CNBD1: variants seen among roughly 807,000 people sequenced by gnomAD.
The protein encoded by CNBD1 is cyclic nucleotide binding domain containing 1, also known as cyclic nucleotide-binding domain-containing protein 1.
In CNBD1, 71 loss-of-function variants were observed where a neutral mutation model predicts 54.4. The observed-to-expected ratio is 1.30, with a 90% CI of 1.08 to 1.59. CNBD1 has a LOEUF of 1.59. Ranked by LOEUF, CNBD1 falls within the 40% of genes most tolerant of loss-of-function variation. CNBD1 has a pLI of 0.00. For missense variants in CNBD1, 659 were observed against 518.0 expected (o/e 1.27, Z -2.64); for synonymous variants, 182 against 170.7 (o/e 1.07, Z -0.51).
chr8:86,936,960 T>C (rs1162628973), intron 3 of CNBD1, among the ~76,000 whole-genome samples: 1 of 152,200 alleles, frequency 6.6e-6, no homozygotes, highest in Non-Finnish European at 1.5e-5. Flanking sequence ...AGTTACAATT[T>C]CCTTATTTTA....
intron 4 of CNBD1, among the ~76,000 whole-genome samples, chr8:87,200,971 C>A (rs1813847167): frequency 6.6e-6 from 1 of 152,078 alleles, no homozygotes; most frequent in Non-Finnish European, 1.5e-5. Context: ...GCCAATGTCC[C>A]TTATGAATAT....
At chr8:87,275,084 A>G (rs1055702364) in intron 6 of CNBD1, among the ~76,000 whole-genome samples, 1 of 135,654 alleles carries the variant, frequency 7.4e-6, no homozygotes. Flanking sequence ...AGATAGCTGT[A>G]GATATGCGGC....
intron 4 of CNBD1, among the ~76,000 whole-genome samples, chr8:87,112,390 A>T (rs568037316): frequency 6.6e-6 from 1 of 152,092 alleles, no homozygotes; most frequent in Non-Finnish European, 1.5e-5. Flanking sequence ...TGCCTTCTCT[A>T]ATGTTCTGTA....
At chr8:87,206,201 T>C (rs1355746299) in intron 5 of CNBD1, 63 bp downstream of exon 5, 3 of 1,287,076 alleles carry the variant, frequency 2.3e-6, no homozygotes, top group African/African-American at 3.1e-5. Context: ...TCGAGTTCTT[T>C]ATCATTATAA....
At chr8:87,039,845 G>A (rs1173127942) in intron 4 of CNBD1, among the ~76,000 whole-genome samples, 1 of 152,108 alleles carries the variant, frequency 6.6e-6, no homozygotes, top group Admixed American at 6.5e-5. Flanking sequence ...GAGATGACTG[G>A]TTGGGTTGGA....
rs564140473 is a variant in CNBD1, at chr8:87,381,263, G to T, written c.1304-1357G>T. Among the ~76,000 whole-genome samples the T allele has an allele frequency of 6.6e-5, 10 of 152,030 alleles. No individual in the cohort carries two copies. In the South Asian group the frequency reaches 1.0e-3, roughly 16 times the overall value. ...TTTCTCTAAAAAAGACATACAAATG[G>T]CCAGCATGTGTATTTTTAAAATGTC... On this transcript the variant is annotated intron_variant, in intron 10 of 10. Transcript: ENST00000518476.
At chr8:87,037,703 G>T (rs1424516376) in intron 4 of CNBD1, among the ~76,000 whole-genome samples, 1 of 151,622 alleles carries the variant, frequency 6.6e-6, no homozygotes, top group Non-Finnish European at 1.5e-5. Context: ...TGGTTTTTTT[G>T]GGCTACTGAT....
intron 4 of CNBD1, among the ~76,000 whole-genome samples, chr8:87,167,814 G>T (rs1201823992): frequency 1.3e-5 from 2 of 151,956 alleles, no homozygotes; most frequent in Non-Finnish European, 2.9e-5. Context: ...GTAATTCTGA[G>T]AAATGAATTA....
At chr8:87,382,561 A>G in intron 10 of CNBD1, 59 bp from the exon 11 acceptor site, 1 of 1,417,820 alleles carries the variant, frequency 7.1e-7, no homozygotes, top group Non-Finnish European at 9.7e-7. Flanking sequence ...GTAGGAAAAT[A>G]ATTACCAAAA....
At chr8:87,293,860 A>G (rs1467120672) in intron 8 of CNBD1, among the ~76,000 whole-genome samples, 2 of 152,196 alleles carry the variant, frequency 1.3e-5, no homozygotes, top group Non-Finnish European at 2.9e-5. Context: ...GCATAAGCCA[A>G]TATATGGTTT....
intron 2 of CNBD1, among the ~76,000 whole-genome samples, chr8:87,388,191 G>A (rs531605531): frequency 2.0e-5 from 3 of 152,162 alleles, no homozygotes; most frequent in South Asian, 4.1e-4. Context: ...ACAATTAAAA[G>A]AACTAGAGAA....
rs150110773 is a variant in CNBD1 at position 87,276,921 on chromosome 8, C to T, written c.772-7757C>T. On this transcript the variant is annotated intron_variant, in intron 6 of 10. Transcript: ENST00000518476. ...GAGTTTAGTCTACCAGGCAGTCAGG[C>T]CTTGAGGGGCCAAGATACTGAGAAA... Among the ~76,000 whole-genome samples, 779 of 151,198 alleles carry T rather than the reference C, an allele frequency of 5.2e-3. 7 individuals carry two copies. The highest frequency in any genetic ancestry group is 0.018 in the African/African-American group (734 of 41,290).
chr8:87,137,113 A>ATAT (rs1563482904), intron 4 of CNBD1, among the ~76,000 whole-genome samples: 1 of 58,190 alleles, frequency 1.7e-5, no homozygotes, highest in Non-Finnish European at 3.2e-5. Context: ...AATTATATAT[A>ATAT]TTATATTTTT....
chr8:87,312,925 T>A (rs1809299345), intron 8 of CNBD1, among the ~76,000 whole-genome samples: 1 of 152,054 alleles, frequency 6.6e-6, no homozygotes, highest in Non-Finnish European at 1.5e-5. Context: ...CCAGAAAAGT[T>A]GGGCATTTAC....
At chr8:86,913,295 C>T (rs1563819693) in intron 3 of CNBD1, among the ~76,000 whole-genome samples, 1 of 152,146 alleles carries the variant, frequency 6.6e-6, no homozygotes, top group Non-Finnish European at 1.5e-5. Flanking sequence ...GTGCCCTTTA[C>T]AGATATACCA....
chr8:87,022,755 G>A (rs141670600), intron 4 of CNBD1, among the ~76,000 whole-genome samples: 26 of 152,320 alleles, frequency 1.7e-4, no homozygotes, highest in African/African-American at 6.3e-4. Flanking sequence ...CAGAAAAAGT[G>A]AGTCTAATTG....
chr8:87,296,226 G>A (rs998260164), intron 8 of CNBD1, among the ~76,000 whole-genome samples: 2 of 152,162 alleles, frequency 1.3e-5, no homozygotes, highest in African/African-American at 2.4e-5. Context: ...CCATAGGAGT[G>A]CATTAGCATA....
At chr8:87,070,427 C>T (rs547876885) in intron 4 of CNBD1, among the ~76,000 whole-genome samples, 29 of 152,100 alleles carry the variant, frequency 1.9e-4, no homozygotes, top group African/African-American at 7.0e-4. Context: ...AGATAAGATC[C>T]TACACATACT....
intron 4 of CNBD1, among the ~76,000 whole-genome samples, chr8:87,124,299 C>T (rs1402199412): frequency 6.6e-6 from 1 of 151,552 alleles, no homozygotes. Flanking sequence ...AGCACATTCT[C>T]CAGACATATG....
Sources: allele counts gnomAD v4.1 joint callset (sites outside exome capture counted in the v4.1 genomes callset), GRCh38; gene constraint gnomAD v4.1.1; transcripts MANE v1.5; gene names NCBI Gene and HGNC (gene_info 2026-07-23, HGNC 2026-07-21).